Variants in COL4A5 observed in about 807,000 individuals in gnomAD.
COL4A5 encodes collagen alpha-5(IV) chain.
COL4A5 carries 26 observed loss-of-function variants against 130.2 expected under a neutral mutation model. The observed-to-expected ratio is 0.20, with a 90% confidence interval of 0.15 to 0.28. The LOEUF is 0.28. Among genes scored for constraint, COL4A5 ranks in the 10% least tolerant of loss-of-function variants. The pLI is 1.00. For synonymous variants in COL4A5, 496 were observed against 439.6 expected, an observed-to-expected ratio of 1.13 and a Z score of -1.60; for missense variants, 1,131 against 1,344.3, an observed-to-expected ratio of 0.84 and a Z score of 2.48.
At chrX:108,518,998 G>A (rs994634882) in intron 1 of COL4A5, among the ~76,000 whole-genome samples, 1 of 111,668 alleles carries the variant, frequency 9.0e-6, no homozygotes, top group African/African-American at 3.2e-5. Context: ...TCTAGCTCTG[G>A]CTCTGTCATT....
At position 108,547,889 on chromosome X, in the gene COL4A5, G is replaced by A. The variant is rs771961145; in HGVS notation, c.141+8084G>A. On this transcript the variant is annotated intron_variant, in intron 2 of 52. Transcript: ENST00000328300. ...TGCTAGCAATGAGCGAGGCTCCGTG[G>A]GTTTAGGACCCTCCGAGCCAGGCAC... 3.6e-5 allele frequency among the ~76,000 whole-genome samples: 4 copies of A among 111,941 alleles called. 1 individual carries two copies. The East Asian group carries it at 8.5e-4, about 24-fold the overall frequency.
At chrX:108,467,237 T>C (rs904048004) in intron 1 of COL4A5, among the ~76,000 whole-genome samples, 4 of 112,017 alleles carry the variant, frequency 3.6e-5, no homozygotes, top group Non-Finnish European at 5.6e-5. Flanking sequence ...CTTTTAAATG[T>C]GGATATACAG....
At chrX:108,478,159 A>C (rs1440076203) in intron 1 of COL4A5, among the ~76,000 whole-genome samples, 1 of 111,427 alleles carries the variant, frequency 9.0e-6, no homozygotes, top group African/African-American at 3.3e-5. Context: ...TAGTACACTG[A>C]ATTCATCTTG....
At chrX:108,452,519 TCTC>T (rs1389032456) in intron 1 of COL4A5, among the ~76,000 whole-genome samples, 4 of 111,754 alleles carry the variant, frequency 3.6e-5, no homozygotes, top group Non-Finnish European at 7.5e-5. Context: ...GGTTTGTAGT[TCTC>T]CTTGAAGAGG....
intron 1 of COL4A5, among the ~76,000 whole-genome samples, chrX:108,537,606 T>C (rs1259346553): frequency 8.9e-6 from 1 of 111,742 alleles, no homozygotes; most frequent in Non-Finnish European, 1.9e-5. Context: ...CTTTGCATTA[T>C]TTTTAGGAGC....
At chrX:108,648,757 A>G (rs1242922745) in intron 36 of COL4A5, among the ~76,000 whole-genome samples, 2 of 112,036 alleles carry the variant, frequency 1.8e-5, no homozygotes, top group African/African-American at 3.2e-5. Flanking sequence ...AATAAAAGCT[A>G]TCTATGACAA....
chrX:108,545,299 G>A (rs1016023079), intron 2 of COL4A5, among the ~76,000 whole-genome samples: 1 of 111,178 alleles, frequency 9.0e-6, no homozygotes, highest in Non-Finnish European at 1.9e-5. Context: ...AGAGATTCTG[G>A]TATGTTGTGT....
intron 1 of COL4A5, among the ~76,000 whole-genome samples, chrX:108,534,047 T>C (rs1398907227): frequency 9.1e-6 from 1 of 109,499 alleles, no homozygotes; most frequent in African/African-American, 3.3e-5. Flanking sequence ...ACAACAGATG[T>C]TGGCAAGGAT....
At chrX:108,449,496 A>G (rs1355114237) in intron 1 of COL4A5, among the ~76,000 whole-genome samples, 3 of 112,006 alleles carry the variant, frequency 2.7e-5, no homozygotes, top group African/African-American at 6.5e-5. Context: ...GTGGACCCCT[A>G]CGGTTCCTGA....
intron 1 of COL4A5, among the ~76,000 whole-genome samples, chrX:108,459,275 T>C (rs949071192): frequency 9.0e-6 from 1 of 111,588 alleles, no homozygotes; most frequent in Non-Finnish European, 1.9e-5. Context: ...TTAAGATAGA[T>C]TTGCTTCTTT....
At chrX:108,616,033 T>A (rs2066919813) in intron 30 of COL4A5, among the ~76,000 whole-genome samples, 1 of 111,771 alleles carries the variant, frequency 8.9e-6, no homozygotes, top group African/African-American at 3.2e-5. Context: ...TATGGCACAT[T>A]ATACCTTTTT....
intron 8 of COL4A5, among the ~76,000 whole-genome samples, chrX:108,572,198 G>T (rs1291941592): frequency 9.0e-6 from 1 of 111,244 alleles, no homozygotes; most frequent in Non-Finnish European, 1.9e-5. Flanking sequence ...TGGTTAATTT[G>T]CAGTCTTCTA....
At chrX:108,542,031 A>T (rs994984558) in intron 2 of COL4A5, among the ~76,000 whole-genome samples, 5 of 112,217 alleles carry the variant, frequency 4.5e-5, no homozygotes, top group African/African-American at 1.3e-4. Context: ...AAAGCAGAAA[A>T]TAGAAAAGGA....
At chrX:108,513,909 A>G (rs919296622) in intron 1 of COL4A5, among the ~76,000 whole-genome samples, 3 of 111,521 alleles carry the variant, frequency 2.7e-5, no homozygotes, top group African/African-American at 9.8e-5. Context: ...TTAATCGATG[A>G]TCTTTCTCAA....
chrX:108,577,389 A>G (rs1295233999), intron 10 of COL4A5, among the ~76,000 whole-genome samples: 11 of 106,518 alleles, frequency 1.0e-4, no homozygotes, highest in South Asian at 4.1e-4. Context: ...AAAAAAAAAA[A>G]AAAGAAAGAA....
chrX:108,682,204 T>C (rs575868519), intron 47 of COL4A5, among the ~76,000 whole-genome samples: 1 of 110,963 alleles, frequency 9.0e-6, no homozygotes, highest in African/African-American at 3.3e-5. Context: ...GATGGTTTTG[T>C]CCATGCAAAG....
intron 1 of COL4A5, among the ~76,000 whole-genome samples, chrX:108,520,484 G>A (rs772007905): frequency 9.0e-6 from 1 of 111,241 alleles, no homozygotes; most frequent in Non-Finnish European, 1.9e-5. Flanking sequence ...GCCATTAGAG[G>A]TCTGTTTAAA....
At chrX:108,530,612 C>T (rs1176359913) in intron 1 of COL4A5, among the ~76,000 whole-genome samples, 7 of 94,802 alleles carry the variant, frequency 7.4e-5, no homozygotes, top group Non-Finnish European at 1.3e-4. Context: ...AAAATGCTCA[C>T]CATCACTGGC....
intron 1 of COL4A5, among the ~76,000 whole-genome samples, chrX:108,507,115 A>C (rs1476915860): frequency 1.8e-5 from 2 of 109,427 alleles, no homozygotes; most frequent in Non-Finnish European, 3.8e-5. Context: ...TACCAGATGT[A>C]CAAAGAAGGG....
Sources: gnomAD v4.1 joint callset for allele counts (sites outside exome capture counted in the v4.1 genomes callset) on GRCh38, gnomAD v4.1.1 for gene constraint, MANE v1.5 for transcripts, NCBI Gene and HGNC (gene_info 2026-07-23, HGNC 2026-07-21) for gene names.